Variants in MAST2 observed in about 807,000 individuals in gnomAD.
MAST2 encodes microtubule associated serine/threonine kinase 2, also known as microtubule-associated serine/threonine-protein kinase 2.
A neutral mutation model predicts 147.4 loss-of-function variants in MAST2; 70 were observed. The observed-to-expected ratio is 0.47, with a 90% CI of 0.39 to 0.58. The LOEUF (loss-of-function observed/expected upper bound fraction) is 0.58. Among genes scored for constraint, MAST2 ranks in the 20% least tolerant of loss-of-function variants. The pLI is 0.00. For synonymous variants in MAST2, 869 were observed against 896.8 expected (o/e 0.97, Z 0.55); for missense variants, 2,080 against 2,302.3 (o/e 0.90, Z 1.98).
At chr1:45,899,307 CTTTTTTTTTTTTTTTT>C (rs770069959) in intron 4 of MAST2, among the ~76,000 whole-genome samples, 2 of 108,030 alleles carry the variant, frequency 1.9e-5, no homozygotes, top group Non-Finnish European at 3.6e-5. Flanking sequence ...CCTTTCTTTT[CTTTTTTTTTTTTTTTT>C]TTTTAGATTC....
At chr1:45,895,367 A>G (rs1648557429) in intron 4 of MAST2, among the ~76,000 whole-genome samples, 1 of 152,188 alleles carries the variant, frequency 6.6e-6, no homozygotes, top group African/African-American at 2.4e-5. Context: ...TGGTCAGCCC[A>G]TAAAATCAGT....
At chr1:45,880,965 T>C (rs1166002482) in intron 3 of MAST2, among the ~76,000 whole-genome samples, 1 of 63,306 alleles carries the variant, frequency 1.6e-5, no homozygotes, top group Non-Finnish European at 3.0e-5. Context: ...AGACTCCATC[T>C]CAAAAAAAAA....
chr1:45,972,785 A>C (rs1319184264), intron 5 of MAST2, among the ~76,000 whole-genome samples: 1 of 152,088 alleles, frequency 6.6e-6, no homozygotes, highest in Non-Finnish European at 1.5e-5. Context: ...TTGGAATTCC[A>C]GTTCTTTATC....
At chr1:45,896,619 T>C (rs1287446356) in intron 4 of MAST2, among the ~76,000 whole-genome samples, 2 of 152,054 alleles carry the variant, frequency 1.3e-5, no homozygotes, top group African/African-American at 2.4e-5. Context: ...TTGGGGAACA[T>C]TAAAGTGAAA....
At chr1:45,992,135 G>A (rs112125579) in intron 5 of MAST2, among the ~76,000 whole-genome samples, 3 of 152,094 alleles carry the variant, frequency 2.0e-5, no homozygotes, top group Non-Finnish European at 2.9e-5. Context: ...AAAAATACCC[G>A]GATTCTCCCC....
At chr1:46,033,090 C>G (rs1185879128) in intron 26 of MAST2, among the ~76,000 whole-genome samples, 2 of 151,980 alleles carry the variant, frequency 1.3e-5, no homozygotes, top group African/African-American at 4.8e-5. Flanking sequence ...ACCAGCCTGC[C>G]CAGCATGGCA....
intron 1 of MAST2, among the ~76,000 whole-genome samples, chr1:45,804,952 C>G (rs1354447472): frequency 1.3e-5 from 2 of 152,152 alleles, no homozygotes; most frequent in East Asian, 3.8e-4. Context: ...TTTTGTTCAG[C>G]TCTATTCGGG....
At chr1:45,841,111 T>A (rs1645260181) in intron 3 of MAST2, among the ~76,000 whole-genome samples, 1 of 151,904 alleles carries the variant, frequency 6.6e-6, no homozygotes, top group Non-Finnish European at 1.5e-5. Flanking sequence ...ACAGTTTTCA[T>A]TTCCTTATTA....
At chr1:45,986,286 A>T (rs1370237294) in intron 5 of MAST2, among the ~76,000 whole-genome samples, 3 of 152,182 alleles carry the variant, frequency 2.0e-5, no homozygotes, top group Admixed American at 2.0e-4. Flanking sequence ...TGAGATGATT[A>T]TATGTTTTTT....
chr1:45,971,050 A>G (rs757792938), intron 5 of MAST2, among the ~76,000 whole-genome samples: 1 of 152,272 alleles, frequency 6.6e-6, no homozygotes, highest in Non-Finnish European at 1.5e-5. Flanking sequence ...TAATAAAAGT[A>G]ATACAAACTA....
At chr1:45,888,449 G>A (rs1296589243) in intron 4 of MAST2, among the ~76,000 whole-genome samples, 2 of 151,760 alleles carry the variant, frequency 1.3e-5, no homozygotes, top group African/African-American at 2.4e-5. Flanking sequence ...TGCAAGCTCC[G>A]CCTCCCGGGT....
At chr1:45,875,208 G>A (rs760401147) in intron 3 of MAST2, among the ~76,000 whole-genome samples, 3 of 152,174 alleles carry the variant, frequency 2.0e-5, no homozygotes, top group African/African-American at 4.8e-5. Flanking sequence ...CACTTTGGGC[G>A]ACCGAGGTAG....
At chr1:45,808,840 C>A (rs1384656299) in intron 1 of MAST2, among the ~76,000 whole-genome samples, 2 of 151,660 alleles carry the variant, frequency 1.3e-5, no homozygotes, top group Non-Finnish European at 2.9e-5. Flanking sequence ...TTCTTATTAC[C>A]CATAGAATTA....
chr1:45,925,249 G>GT (rs370909502), intron 4 of MAST2, among the ~76,000 whole-genome samples: 99 of 152,296 alleles, frequency 6.5e-4, no homozygotes, highest in African/African-American at 2.3e-3. Flanking sequence ...CTCTAGCTCT[G>GT]TAATACATTG....
chr1:45,893,593 A>G (rs946231173), intron 4 of MAST2, among the ~76,000 whole-genome samples: 2 of 131,768 alleles, frequency 1.5e-5, no homozygotes, highest in South Asian at 2.7e-4. Context: ...TTCCTGTAGG[A>G]TATTTTAAAA....
chr1:45,929,393 T>G (rs1175261854), intron 4 of MAST2, among the ~76,000 whole-genome samples: 1 of 151,796 alleles, frequency 6.6e-6, no homozygotes, highest in Non-Finnish European at 1.5e-5. Flanking sequence ...AGGGGGGGAG[T>G]TGTTGGTGGT....
At chr1:45,905,315 G>T in intron 4 of MAST2, among the ~76,000 whole-genome samples, 1 of 151,644 alleles carries the variant, frequency 6.6e-6, no homozygotes, top group Non-Finnish European at 1.5e-5. Context: ...ATCCCAAGTA[G>T]CTGGGAGTAC....
chr1:45,942,046 A>ATTGAT (rs1657375302), intron 4 of MAST2, among the ~76,000 whole-genome samples: 1 of 152,164 alleles, frequency 6.6e-6, no homozygotes, highest in Non-Finnish European at 1.5e-5. Flanking sequence ...CTGTGAAAAT[A>ATTGAT]GTTTTGACTT....
At chr1:45,841,250 G>A (rs1645265216) in intron 3 of MAST2, among the ~76,000 whole-genome samples, 1 of 152,020 alleles carries the variant, frequency 6.6e-6, no homozygotes, top group African/African-American at 2.4e-5. Context: ...GTGAGCCACC[G>A]CACCTGGCAA....
Sources: gnomAD v4.1 joint callset for allele counts (sites outside exome capture counted in the v4.1 genomes callset) on GRCh38, gnomAD v4.1.1 for gene constraint, MANE v1.5 for transcripts, NCBI Gene and HGNC (gene_info 2026-07-23, HGNC 2026-07-21) for gene names.